The following TOP3A variants were observed in gnomAD, a reference collection of about 807,000 sequenced individuals.
The protein encoded by TOP3A is DNA topoisomerase III alpha, also known as DNA topoisomerase 3-alpha.
TOP3A carries 64 observed loss-of-function variants against 111.3 expected under a neutral mutation model. The observed-to-expected ratio is 0.57, with a 90% CI of 0.47 to 0.71. The LOEUF is 0.71. Ranked by LOEUF, TOP3A falls within the 30% of genes least tolerant of loss-of-function variation. The pLI, the probability that TOP3A is intolerant of heterozygous loss-of-function variation, is 0.00. For synonymous variants in TOP3A, 484 were observed against 485.1 expected (o/e 1.00, Z 0.03); for missense variants, 1,104 against 1,285.0 (o/e 0.86, Z 2.15).
chr17:18,287,729 T>C (rs1393366776), intron 13 of TOP3A, among the ~76,000 whole-genome samples: 1 of 152,088 alleles, frequency 6.6e-6, no homozygotes, highest in Non-Finnish European at 1.5e-5. Context: ...GCATGGTGGC[T>C]AACACCTGTA....
chr17:18,309,114 C>T (rs1340693614), intron 1 of TOP3A, among the ~76,000 whole-genome samples, 173 bp from the exon 2 acceptor site: 1 of 152,032 alleles, frequency 6.6e-6, no homozygotes, highest in African/African-American at 2.4e-5. Flanking sequence ...TGAAAAGATG[C>T]TCAATGTTAT....
intron 18 of TOP3A, among the ~76,000 whole-genome samples, chr17:18,275,676 T>G (rs1306256821): frequency 7.2e-6 from 1 of 138,356 alleles, no homozygotes; most frequent in Non-Finnish European, 1.6e-5. Context: ...TTTTTTGAGG[T>G]GGAGTCTGGC....
rs1979102359 is a variant in TOP3A at position 18,273,154 on chromosome 17, GCCACT to G, written c.*1643_*1647del. 6.6e-6 allele frequency: 1 copy of G among 152,196 alleles called. No homozygotes were observed. 9.4% of individuals were successfully genotyped at this position (152,196 alleles called of 1,614,324 possible). A position where few individuals can be genotyped will look rare whatever the true frequency, so the allele number is the denominator to read the frequency against. ...CCCCAATACCCCATCAGAACACAGA[GCCACT>G]GGTCTATGGGCCAGGAGCCCAAGAC... On this transcript the variant is annotated 3_prime_UTR_variant, in exon 19 of 19. Transcript: ENST00000321105.
intron 18 of TOP3A, among the ~76,000 whole-genome samples, chr17:18,276,409 A>G (rs1979376014): frequency 6.6e-6 from 1 of 152,174 alleles, no homozygotes; most frequent in African/African-American, 2.4e-5. Context: ...TGGGTCTCTC[A>G]CTGCAATGGC....
At chr17:18,299,712 A>G in intron 8 of TOP3A, 79 bp from the exon 9 acceptor site, 2 of 1,330,708 alleles carry the variant, frequency 1.5e-6, no homozygotes, top group South Asian at 2.4e-5. Context: ...GCCCATGCCA[A>G]TCCTTCTAGA....
intron 4 of TOP3A, among the ~76,000 whole-genome samples, chr17:18,305,486 ACGCGCGCGCGCGCGCGCG>A (rs34041678): frequency 6.7e-6 from 1 of 149,414 alleles, no homozygotes; most frequent in African/African-American, 2.5e-5. Flanking sequence ...ACACACACAC[ACGCGCGCGCGCGCGCGCG>A]CACGCACACT....
At chr17:18,276,055 TTA>T (rs1327361905) in intron 18 of TOP3A, among the ~76,000 whole-genome samples, 1 of 152,212 alleles carries the variant, frequency 6.6e-6, no homozygotes, top group East Asian at 1.9e-4. Flanking sequence ...GCCTGCTGCC[TTA>T]TGTTACCTGA....
intron 10 of TOP3A, 43 bp downstream of exon 10, chr17:18,294,660 A>G (rs1980684384): frequency 2.1e-6 from 3 of 1,429,322 alleles, no homozygotes; most frequent in Non-Finnish European, 3.0e-6. Flanking sequence ...TTTCATCCTG[A>G]TAAAGACGGT....
At chr17:18,287,782 C>T (rs1233229411) in intron 13 of TOP3A, among the ~76,000 whole-genome samples, 5 of 151,992 alleles carry the variant, frequency 3.3e-5, no homozygotes, top group Admixed American at 6.6e-5. Context: ...ATCATGAGGT[C>T]AGGAGTTTGA....
Position 18,282,749 on chromosome 17 carries a change from T to C in TOP3A, c.1970A>G (p.Lys657Arg). The C allele has an allele frequency of 6.2e-7, 1 of 1,614,168 alleles. No individual in the cohort carries two copies. Among genetic ancestry groups the C allele is most frequent in the Non-Finnish European group, 8.5e-7 (1 of 1,180,030 alleles). Residue 657 changes from lysine (K) to arginine (R), a missense_variant, in exon 16 of 19, where the codon AAG becomes AGG. Coordinates refer to ENST00000321105, the MANE Select transcript of TOP3A (RefSeq NM_004618.5). ...CATGTCCTTGTTGCACTGTGGGCAC[T>C]TCCTGATGGGCTCTGGCATGGCTGG... ...IYPAMPEPIR[K>R]CPQCNKDMVL...
chr17:18,304,577 T>C (rs965568442), intron 5 of TOP3A, among the ~76,000 whole-genome samples: 9 of 151,998 alleles, frequency 5.9e-5, no homozygotes, highest in Non-Finnish European at 1.3e-4. Context: ...TATTTATTAA[T>C]AGTCGAGCAT....
At chr17:18,303,932 C>A (rs551074090) in intron 5 of TOP3A, among the ~76,000 whole-genome samples, 39 of 152,260 alleles carry the variant, frequency 2.6e-4, no homozygotes, top group African/African-American at 8.4e-4. Context: ...GAGGGGCAGG[C>A]CCCCTCCAAT....
rs887353066 is a variant in TOP3A at position 18,274,449 on chromosome 17, A to G, written c.*353T>C. 5 of 174,682 alleles carry G rather than the reference A, an allele frequency of 2.9e-5. No homozygotes were observed. The Admixed American group carries it at 2.9e-4, about 10-fold the overall frequency. The allele number at this position is 174,682 out of a possible 1,614,324, so 10.8% of individuals were successfully genotyped here. On this transcript the variant is annotated 3_prime_UTR_variant, in exon 19 of 19. Coordinates refer to ENST00000321105, the MANE Select transcript of TOP3A (RefSeq NM_004618.5). Reference sequence around the variant, plus strand: ...CTTGGGGCTTTCTGCAGGTGAAGGAAGCAGCCCTGGGAGCTTCTTCCTTTG... The same window carrying G: ...CTTGGGGCTTTCTGCAGGTGAAGGAGGCAGCCCTGGGAGCTTCTTCCTTTG...
chr17:18,285,100 G>A (rs1420360156), intron 15 of TOP3A, 42 bp downstream of exon 15: 2 of 1,600,802 alleles, frequency 1.2e-6, no homozygotes, highest in Admixed American at 3.3e-5. Flanking sequence ...ACCAGCCTGG[G>A]CAACATAGTG....
chr17:18,284,179 T>TC (rs1311216099), intron 15 of TOP3A, among the ~76,000 whole-genome samples: 1 of 151,460 alleles, frequency 6.6e-6, no homozygotes, highest in Non-Finnish European at 1.5e-5. Context: ...TTTGTATTTT[T>TC]TTTTTTTTTT....
intron 9 of TOP3A, among the ~76,000 whole-genome samples, chr17:18,295,893 G>A (rs1980771288): frequency 6.6e-6 from 1 of 151,098 alleles, no homozygotes; most frequent in South Asian, 2.1e-4. Context: ...TCAGCCTCCC[G>A]AGTAGCTGGG....
chr17:18,277,624 T>C, intron 18 of TOP3A, 51 bp downstream of exon 18: 1 of 1,557,792 alleles, frequency 6.4e-7, no homozygotes, highest in Non-Finnish European at 8.7e-7. Flanking sequence ...GTCTCTGAGG[T>C]AAACACCTGA....
At chr17:18,305,037 G>T in intron 5 of TOP3A, 75 bp downstream of exon 5, 2 of 1,255,762 alleles carry the variant, frequency 1.6e-6, no homozygotes, top group Admixed American at 1.7e-5. Flanking sequence ...CGTGGCCCAT[G>T]TGCACATATA....
At chr17:18,290,814 CCT>C (rs1980425187) in intron 12 of TOP3A, 26 bp downstream of exon 12, 1 of 1,609,388 alleles carries the variant, frequency 6.2e-7, no homozygotes, top group Non-Finnish European at 8.5e-7. Flanking sequence ...AACTGTCCTC[CCT>C]CTCACTGGGG....
Sources: gnomAD v4.1 joint callset for allele counts (sites outside exome capture counted in the v4.1 genomes callset) on GRCh38, gnomAD v4.1.1 for gene constraint, MANE v1.5 for transcripts, NCBI Gene and HGNC (gene_info 2026-07-23, HGNC 2026-07-21) for gene names.